The following POU2F3 variants were observed in gnomAD, a reference collection of about 807,000 sequenced individuals.
POU2F3 encodes the protein POU class 2 homeobox 3, also known as POU domain, class 2, transcription factor 3.
Under a neutral mutation model 59.2 loss-of-function variants are expected in POU2F3, and 23 were observed. That is an observed-to-expected ratio of 0.39 (90% CI 0.28 to 0.55). The LOEUF (loss-of-function observed/expected upper bound fraction) is 0.55. POU2F3 is among the 20% of genes least tolerant of loss of function. POU2F3 has a pLI of 0.66. For synonymous variants in POU2F3, 190 were observed against 214.6 expected (o/e 0.89, Z 1.00); for missense variants, 473 against 544.5 (o/e 0.87, Z 1.31).
At chr11:120,277,151 C>A (rs1222290432) in intron 3 of POU2F3, among the ~76,000 whole-genome samples, 1 of 152,044 alleles carries the variant, frequency 6.6e-6, no homozygotes, top group Non-Finnish European at 1.5e-5. Flanking sequence ...TTTAGCCGGG[C>A]ATGGTGGTGC....
At chr11:120,308,189 A>G (rs1317318204) in intron 9 of POU2F3, among the ~76,000 whole-genome samples, 1 of 152,178 alleles carries the variant, frequency 6.6e-6, no homozygotes, top group Admixed American at 6.5e-5. Flanking sequence ...TAGCAAAAGC[A>G]TGTTTTTGAG....
intron 3 of POU2F3, among the ~76,000 whole-genome samples, chr11:120,289,396 T>C (rs550518234): frequency 6.6e-6 from 1 of 152,334 alleles, no homozygotes; most frequent in African/African-American, 2.4e-5. Context: ...GCTACAGTCA[T>C]GCTCTCTTCA....
intron 2 of POU2F3, among the ~76,000 whole-genome samples, chr11:120,260,569 C>T (rs969162282): frequency 1.3e-5 from 2 of 152,172 alleles, no homozygotes; most frequent in South Asian, 2.1e-4. Flanking sequence ...TTTAGTGTGC[C>T]TTTTACTCTC....
intron 3 of POU2F3, among the ~76,000 whole-genome samples, chr11:120,289,708 CT>C (rs1940954479): frequency 6.6e-6 from 1 of 152,200 alleles, no homozygotes; most frequent in Admixed American, 6.5e-5. Flanking sequence ...GCTTTCTTTG[CT>C]TTTGCTGCCT....
chr11:120,299,806 G>A (rs1022462196), intron 5 of POU2F3, 80 bp downstream of exon 5: 17 of 1,251,544 alleles, frequency 1.4e-5, no homozygotes, highest in African/African-American at 4.5e-5. Flanking sequence ...GGGTGAGGGG[G>A]CCTAATTGGA....
At chr11:120,291,722 A>T (rs1941026406) in intron 3 of POU2F3, among the ~76,000 whole-genome samples, 1 of 152,178 alleles carries the variant, frequency 6.6e-6, no homozygotes, top group Non-Finnish European at 1.5e-5. Context: ...TTCATCTATA[A>T]AATGGGTCTT....
At chr11:120,244,339 GTGTC>G (rs1734068552) in intron 1 of POU2F3, among the ~76,000 whole-genome samples, 1 of 152,192 alleles carries the variant, frequency 6.6e-6, no homozygotes, top group Non-Finnish European at 1.5e-5. Context: ...CTAAGCCTAA[GTGTC>G]TGTTTAATTA....
chr11:120,309,641 G>C (rs1941601725), intron 10 of POU2F3, 55 bp downstream of exon 10: 1 of 1,576,728 alleles, frequency 6.3e-7, no homozygotes, highest in African/African-American at 1.3e-5. Flanking sequence ...ATGATGCTTG[G>C]AGGGGAAGGT....
Position 120,257,727 on chromosome 11 carries a change from G to C in POU2F3, c.97+11210G>C, listed in dbSNP as rs192234267. The stretch of plus-strand genomic sequence containing the variant: ...CCTCACTTTGCTCAGTGGTAACACA[G>C]GATTTCTGTAATTCCGGCCCTGCAG... On this transcript the variant is annotated intron_variant, in intron 2 of 12. Coordinates refer to ENST00000543440, the MANE Select transcript of POU2F3 (RefSeq NM_014352.4). Among the ~76,000 whole-genome samples the C allele has an allele frequency of 3.1e-3, 473 of 152,304 alleles. 2 individuals carry two copies. The highest frequency in any genetic ancestry group is 0.011 in the African/African-American group (444 of 41,572).
chr11:120,269,418 A>C (rs899999561), intron 3 of POU2F3, among the ~76,000 whole-genome samples, 174 bp downstream of exon 3: 1 of 152,154 alleles, frequency 6.6e-6, no homozygotes, highest in African/African-American at 2.4e-5. Flanking sequence ...CCCATGAGCC[A>C]ATGTTGGGGT....
intron 3 of POU2F3, among the ~76,000 whole-genome samples, chr11:120,279,749 G>C (rs1940486893): frequency 6.6e-6 from 1 of 152,242 alleles, no homozygotes; most frequent in African/African-American, 2.4e-5. Flanking sequence ...CCTGTGGCAA[G>C]CCCCATAATG....
chr11:120,310,462 T>C (rs766366308), intron 10 of POU2F3, among the ~76,000 whole-genome samples: 1 of 152,132 alleles, frequency 6.6e-6, no homozygotes, highest in Non-Finnish European at 1.5e-5. Context: ...AGAGTGAGTA[T>C]GAAGGAGTTA....
At chr11:120,286,027 C>T (rs893554535) in intron 3 of POU2F3, among the ~76,000 whole-genome samples, 10 of 151,982 alleles carry the variant, frequency 6.6e-5, no homozygotes, top group Admixed American at 3.3e-4. Flanking sequence ...GGATCACAGG[C>T]GCCCACCACC....
At chr11:120,300,686 C>A (rs1941323450) in intron 5 of POU2F3, among the ~76,000 whole-genome samples, 1 of 152,022 alleles carries the variant, frequency 6.6e-6, no homozygotes, top group Admixed American at 6.5e-5. Flanking sequence ...ATCACCGGAA[C>A]CTGGGAGGCA....
intron 4 of POU2F3, 92 bp downstream of exon 4, chr11:120,298,482 C>A: frequency 6.5e-7 from 1 of 1,533,908 alleles, no homozygotes. Flanking sequence ...GTCTAAAGAA[C>A]CCCCTGCAGG....
chr11:120,265,567 G>C (rs1939794462), intron 2 of POU2F3: 1 of 152,216 alleles, frequency 6.6e-6, no homozygotes, highest in Non-Finnish European at 1.5e-5. Context: ...TTGAGAAGGG[G>C]GCCACGGCCA....
At chr11:120,262,951 CTTAT>C (rs1314203954) in intron 2 of POU2F3, among the ~76,000 whole-genome samples, 2 of 148,776 alleles carry the variant, frequency 1.3e-5, no homozygotes, top group Non-Finnish European at 3.0e-5. Context: ...CATTTCTTTT[CTTAT>C]TTATTTAATT....
At position 120,292,021 on chromosome 11, in the gene POU2F3, G is replaced by A. The variant is rs548164525; in HGVS notation, c.133-6244G>A. On this transcript the variant is annotated intron_variant, in intron 3 of 12. Transcript: ENST00000543440. ...GATGGGGTTTCACCATGTTAGCCAG[G>A]ATGGTCTTGATCTCCTGACCTCGTG... Among the ~76,000 whole-genome samples, 5 of 152,174 alleles carry A rather than the reference G, an allele frequency of 3.3e-5. No homozygotes were observed. In the East Asian group the frequency reaches 5.8e-4, roughly 18 times the overall value.
intron 3 of POU2F3, among the ~76,000 whole-genome samples, chr11:120,288,476 C>T (rs140233093): frequency 2.0e-5 from 3 of 152,244 alleles, no homozygotes; most frequent in South Asian, 2.1e-4. Flanking sequence ...TTGAAAGGTA[C>T]GCTGAATTTT....
Sources: allele counts gnomAD v4.1 joint callset (sites outside exome capture counted in the v4.1 genomes callset), GRCh38; gene constraint gnomAD v4.1.1; transcripts MANE v1.5; gene names NCBI Gene and HGNC (gene_info 2026-07-23, HGNC 2026-07-21).